The following SDK1 variants were observed in gnomAD, a reference collection of about 807,000 sequenced individuals.
The protein encoded by SDK1 is sidekick cell adhesion molecule 1.
In SDK1, 157 loss-of-function variants were observed where a neutral mutation model predicts 245.5. The observed-to-expected ratio is 0.64, with a 90% CI of 0.56 to 0.73. The LOEUF is 0.73. Among genes scored for constraint, SDK1 ranks in the 30% least tolerant of loss-of-function variants. SDK1 has a pLI of 0.00. For synonymous variants in SDK1, 1,647 were observed against 1,278.5 expected (o/e 1.29, Z -6.15); for missense variants, 3,583 against 3,002.3 (o/e 1.19, Z -4.52).
At chr7:3,540,814 A>C (rs186123577) in intron 1 of SDK1, among the ~76,000 whole-genome samples, 1 of 152,228 alleles carries the variant, frequency 6.6e-6, no homozygotes, top group East Asian at 1.9e-4. Flanking sequence ...TCGTATATCT[A>C]TAATAAAGGA....
chr7:3,559,462 G>C (rs1332651288), intron 1 of SDK1, among the ~76,000 whole-genome samples: 1 of 152,128 alleles, frequency 6.6e-6, no homozygotes, highest in Non-Finnish European at 1.5e-5. Context: ...AATGGAGAAA[G>C]ATGAATGTTT....
chr7:3,803,012 G>C (rs984893725), intron 4 of SDK1, among the ~76,000 whole-genome samples: 1 of 152,180 alleles, frequency 6.6e-6, no homozygotes, highest in African/African-American at 2.4e-5. Flanking sequence ...TGGGTCGAAT[G>C]TAAGTATATG....
intron 1 of SDK1, 137 bp downstream of exon 1, chr7:3,302,021 G>GCC: frequency 2.6e-5 from 15 of 573,962 alleles, no homozygotes; most frequent in Non-Finnish European, 3.4e-5. Context: ...GCTCTAGGGA[G>GCC]CCCAGGGGCT....
intron 40 of SDK1, among the ~76,000 whole-genome samples, chr7:4,226,216 C>G (rs114417927): frequency 0.011 from 1,607 of 152,268 alleles, 27 homozygotes; most frequent in African/African-American, 0.037. Context: ...GAATGGGCCC[C>G]GTTTTGTATT....
At chr7:3,563,906 C>T (rs1408345783) in intron 1 of SDK1, among the ~76,000 whole-genome samples, 2 of 151,774 alleles carry the variant, frequency 1.3e-5, no homozygotes, top group South Asian at 2.1e-4. Context: ...TCCCTAACTC[C>T]CAAAAAACCG....
At chr7:4,169,641 G>T (rs554850915) in intron 32 of SDK1, among the ~76,000 whole-genome samples, 1 of 152,306 alleles carries the variant, frequency 6.6e-6, no homozygotes, top group South Asian at 2.1e-4. Context: ...GCAATGAGAC[G>T]GCAAGGCTGG....
intron 13 of SDK1, chr7:3,974,780 T>A: frequency 2.2e-6 from 1 of 464,892 alleles, no homozygotes; most frequent in Non-Finnish European, 3.8e-6. Flanking sequence ...CATTGGTTTT[T>A]ATTTCAGTTG....
At chr7:3,737,434 T>C (rs1179829386) in intron 4 of SDK1, among the ~76,000 whole-genome samples, 1 of 152,228 alleles carries the variant, frequency 6.6e-6, no homozygotes, top group Non-Finnish European at 1.5e-5. Context: ...GCTATGCTGC[T>C]CTGCTAGGTG....
intron 42 of SDK1, among the ~76,000 whole-genome samples, chr7:4,239,289 G>T (rs773404195): frequency 1.2e-4 from 18 of 152,198 alleles, no homozygotes; most frequent in Non-Finnish European, 2.1e-4. Context: ...GCAGAATCCT[G>T]CTTGCCTGTT....
intron 1 of SDK1, among the ~76,000 whole-genome samples, chr7:3,474,091 G>GTTTT (rs869083123): frequency 0.04 from 1,745 of 43,312 alleles, 370 homozygotes; most frequent in African/African-American, 0.056. Flanking sequence ...ACCAGATGGT[G>GTTTT]TTTTTTTTTT....
chr7:3,759,524 T>C (rs1393785280), intron 4 of SDK1, among the ~76,000 whole-genome samples: 4 of 151,954 alleles, frequency 2.6e-5, no homozygotes, highest in African/African-American at 9.7e-5. Flanking sequence ...TGAAATACGC[T>C]TTTATCATAT....
At chr7:3,798,814 A>G (rs1779032940) in intron 4 of SDK1, among the ~76,000 whole-genome samples, 1 of 152,180 alleles carries the variant, frequency 6.6e-6, no homozygotes, top group Admixed American at 6.5e-5. Flanking sequence ...TTGTGGACAC[A>G]CATTAAAACT....
chr7:3,958,507 A>G (rs905527545), intron 7 of SDK1, among the ~76,000 whole-genome samples: 2 of 152,238 alleles, frequency 1.3e-5, no homozygotes, highest in African/African-American at 4.8e-5. Flanking sequence ...TTTTAAAAAT[A>G]TGTTAATAGG....
chr7:3,527,523 G>C (rs544213383), intron 1 of SDK1, among the ~76,000 whole-genome samples: 1 of 152,334 alleles, frequency 6.6e-6, no homozygotes, highest in Non-Finnish European at 1.5e-5. Context: ...AAGAAGGTCA[G>C]AGTGCCTGGA....
intron 17 of SDK1, among the ~76,000 whole-genome samples, chr7:4,036,877 C>A (rs1004513011): frequency 1.6e-4 from 24 of 152,192 alleles, no homozygotes; most frequent in Non-Finnish European, 5.9e-5. Flanking sequence ...ATGTGCTACA[C>A]AGTCTATGAT....
At chr7:3,967,253 C>A in intron 9 of SDK1, 65 bp from the exon 10 acceptor site, 3 of 1,269,370 alleles carry the variant, frequency 2.4e-6, no homozygotes, top group Non-Finnish European at 3.5e-6. Context: ...GCAGGATACT[C>A]TGCCAGGCTG....
intron 4 of SDK1, among the ~76,000 whole-genome samples, chr7:3,663,164 A>C (rs539068051): frequency 6.6e-6 from 1 of 152,340 alleles, no homozygotes; most frequent in African/African-American, 2.4e-5. Context: ...TTGTTGAAAC[A>C]TCTGTTACAG....
Position 4,221,284 on chromosome 7 carries a change from C to G in SDK1, c.5747C>G (p.Ser1916Cys). The change falls in exon 40 of 45, where the codon TCT becomes TGT. Residue 1916 changes from serine to cysteine, a missense_variant. Transcript: ENST00000404826. ...GATGTCCTGGTCACCAAGTCCGCCT[C>G]TGAACTGACGCTGCAGTGGACTGAG... ...PRDVLVTKSA[S>C]ELTLQWTEGH... 6.2e-7 allele frequency: 1 copy of G among 1,613,942 alleles called. No individual in the cohort carries two copies. Among genetic ancestry groups the G allele is most frequent in the Non-Finnish European group, 8.5e-7 (1 of 1,180,008 alleles).
At chr7:4,083,853 C>T (rs2128180632) in intron 22 of SDK1, among the ~76,000 whole-genome samples, 1 of 149,480 alleles carries the variant, frequency 6.7e-6, no homozygotes, top group East Asian at 2.0e-4. Flanking sequence ...GTCTGTCTCC[C>T]TCCCTCCCTA....
Sources: allele counts gnomAD v4.1 joint callset (sites outside exome capture counted in the v4.1 genomes callset), GRCh38; gene constraint gnomAD v4.1.1; transcripts MANE v1.5; gene names NCBI Gene and HGNC (gene_info 2026-07-23, HGNC 2026-07-21).